Variants in CRISPLD1 observed in about 807,000 individuals in gnomAD.
The protein encoded by CRISPLD1 is cysteine rich secretory protein LCCL domain containing 1.
Under a neutral mutation model 77.5 loss-of-function variants are expected in CRISPLD1, and 60 were observed. The ratio of observed to expected loss-of-function variants is 0.77; its 90% CI spans 0.63 to 0.96. CRISPLD1 has a LOEUF of 0.96. CRISPLD1 is among the 40% of genes least tolerant of loss of function. The pLI is 0.00. For missense variants in CRISPLD1, 623 were observed against 615.8 expected (o/e 1.01, Z -0.12); for synonymous variants, 195 against 200.1 (o/e 0.97, Z 0.22).
intron 2 of CRISPLD1, among the ~76,000 whole-genome samples, chr8:74,994,927 T>C (rs1338296241): frequency 6.6e-6 from 1 of 152,096 alleles, no homozygotes; most frequent in African/African-American, 2.4e-5. Flanking sequence ...TAGAGAAAGA[T>C]GGGGCGCAGT....
chr8:75,003,331 G>C (rs1812777592), intron 2 of CRISPLD1, among the ~76,000 whole-genome samples: 1 of 151,964 alleles, frequency 6.6e-6, no homozygotes, highest in South Asian at 2.1e-4. Context: ...TTCTTCTTTT[G>C]TCCAAGAAGT....
chr8:74,992,654 G>C (rs934486092), intron 2 of CRISPLD1, among the ~76,000 whole-genome samples: 1 of 152,148 alleles, frequency 6.6e-6, no homozygotes, highest in Non-Finnish European at 1.5e-5. Context: ...CTACTGGGGG[G>C]TTGATTGCTA....
chr8:74,989,140 G>C (rs1410236063), intron 2 of CRISPLD1, among the ~76,000 whole-genome samples: 1 of 152,156 alleles, frequency 6.6e-6, no homozygotes, highest in Admixed American at 6.5e-5. Flanking sequence ...ATGCAGGGTG[G>C]CAGGAATTGG....
intron 12 of CRISPLD1, among the ~76,000 whole-genome samples, chr8:75,024,128 A>G (rs1813191597): frequency 6.6e-6 from 1 of 152,166 alleles, no homozygotes; most frequent in Non-Finnish European, 1.5e-5. Context: ...TTGAGGAATA[A>G]CCATTAGGCC....
chr8:75,002,629 G>A (rs11775366), intron 2 of CRISPLD1, among the ~76,000 whole-genome samples: 9,475 of 151,866 alleles, frequency 0.062, 342 homozygotes, highest in South Asian at 0.083. Context: ...CTGGAAGCAG[G>A]GTTGTGTGAG....
intron 2 of CRISPLD1, among the ~76,000 whole-genome samples, chr8:74,995,036 G>A (rs1776792137): frequency 6.6e-6 from 1 of 152,130 alleles, no homozygotes; most frequent in African/African-American, 2.4e-5. Flanking sequence ...GGCCAATCTT[G>A]AACATGAAAT....
chr8:75,025,043 A>G (rs1429145446), intron 12 of CRISPLD1, among the ~76,000 whole-genome samples: 1 of 152,220 alleles, frequency 6.6e-6, no homozygotes, highest in African/African-American at 2.4e-5. Context: ...AATAAGCAGT[A>G]GGATATTCAA....
rs184473337 is a variant in CRISPLD1, at chr8:75,033,065, G to A, written c.*823G>A. 1.1e-3 allele frequency: 173 copies of A among 152,324 alleles called. 1 individual carries two copies. The highest frequency in any genetic ancestry group is 3.4e-3 in the Middle Eastern group (1 of 294). 9.4% of individuals were successfully genotyped at this position (152,324 alleles called of 1,614,324 possible). A position where few individuals can be genotyped will look rare whatever the true frequency, so the allele number is the denominator to read the frequency against. On this transcript the variant is annotated 3_prime_UTR_variant, in exon 15 of 15. Coordinates refer to ENST00000262207, the MANE Select transcript of CRISPLD1 (RefSeq NM_031461.6). ...AAAAGTTGAACAAAGATGAACTAAT[G>A]TATTACATTACCATTGCCACTGATT...
intron 4 of CRISPLD1, 79 bp from the exon 5 acceptor site, chr8:75,013,908 T>G (rs1812980180): frequency 2.2e-6 from 2 of 900,852 alleles, no homozygotes; most frequent in African/African-American, 1.7e-5. Flanking sequence ...CATTCAAATT[T>G]TATGCATTTT....
intron 14 of CRISPLD1, 43 bp downstream of exon 14, chr8:75,029,560 A>C (rs1029256422): frequency 6.3e-7 from 1 of 1,576,210 alleles, no homozygotes; most frequent in Non-Finnish European, 8.7e-7. Flanking sequence ...AATACCATCT[A>C]TCACTGTATT....
Position 75,014,905 on chromosome 8 carries a change from C to T in CRISPLD1, c.720C>T (p.Cys240=). The T allele has an allele frequency of 1.9e-6, 3 of 1,567,346 alleles. No individual in the cohort carries two copies. The highest frequency in any genetic ancestry group is 2.4e-5 in the South Asian group (2 of 84,392). ...SFGGGCRENL[C]YKEGSDRYYP... ...GAGGGGGCTGTAGAGAAAATCTGTG[C>T]TACAAAGGTAAGTGCTATTGTGTTG... is the stretch of plus-strand genomic sequence containing the variant. Residue 240 remains cysteine (C), a synonymous_variant, in exon 6 of 15, where the codon TGC becomes TGT. Coordinates refer to ENST00000262207, the MANE Select transcript of CRISPLD1 (RefSeq NM_031461.6).
chr8:75,016,767 T>C, intron 7 of CRISPLD1, 62 bp downstream of exon 7: 2 of 1,557,372 alleles, frequency 1.3e-6, no homozygotes, highest in Non-Finnish European at 8.7e-7. Flanking sequence ...TCCATCAAGA[T>C]TTTATTAATT....
intron 3 of CRISPLD1, 114 bp downstream of exon 3, chr8:75,012,665 C>A: frequency 1.2e-6 from 1 of 845,128 alleles, no homozygotes; most frequent in Non-Finnish European, 1.9e-6. Flanking sequence ...AAAGTAATCA[C>A]GAAACAAGTA....
chr8:75,023,332 G>A (rs533034533), intron 12 of CRISPLD1, among the ~76,000 whole-genome samples: 71 of 152,274 alleles, frequency 4.7e-4, no homozygotes, highest in African/African-American at 1.6e-3. Context: ...TAAGGATGAC[G>A]GTGAATGCCT....
Position 75,029,394 on chromosome 8 carries a change from G to C in CRISPLD1, c.1328G>C (p.Ser443Thr), listed in dbSNP as rs776037094. The C allele has an allele frequency of 6.2e-7, 1 of 1,612,660 alleles. No individual in the cohort carries two copies. Among genetic ancestry groups the C allele is most frequent in the South Asian group, 1.1e-5 (1 of 90,864 alleles). The change falls in exon 14 of 15, where the codon AGT becomes ACT. Residue 443 changes from serine to threonine, a missense_variant. Transcript: ENST00000262207. ...IGTRVYSDLS[S>T]ICRAAVHAGV... Reference sequence around the variant, plus strand: ...GTTTCTTTACCTTCTCAGCTGTCCAGTATCTGCAGAGCAGCAGTACATGCT... The same window carrying C: ...GTTTCTTTACCTTCTCAGCTGTCCACTATCTGCAGAGCAGCAGTACATGCT...
intron 2 of CRISPLD1, 75 bp downstream of exon 2, chr8:74,986,320 T>C: frequency 7.4e-7 from 1 of 1,356,250 alleles, no homozygotes; most frequent in South Asian, 1.3e-5. Flanking sequence ...TTCATGCTGT[T>C]CTTTAATCAT....
At chr8:75,007,917 G>C (rs1812862997) in intron 2 of CRISPLD1, among the ~76,000 whole-genome samples, 1 of 151,964 alleles carries the variant, frequency 6.6e-6, no homozygotes, top group East Asian at 1.9e-4. Flanking sequence ...GGCCTCAAGT[G>C]ATCCTACCAC....
At chr8:75,013,421 G>A (rs1812970611) in intron 4 of CRISPLD1, among the ~76,000 whole-genome samples, 5 of 152,104 alleles carry the variant, frequency 3.3e-5, no homozygotes, top group Admixed American at 3.3e-4. Flanking sequence ...CAATTGGTAT[G>A]TTCTAAACTT....
At chr8:75,027,336 A>G (rs1813251687) in intron 13 of CRISPLD1, among the ~76,000 whole-genome samples, 1 of 152,224 alleles carries the variant, frequency 6.6e-6, no homozygotes, top group African/African-American at 2.4e-5. Context: ...CAAGTAGATT[A>G]ATAAATATAT....
Sources: allele counts gnomAD v4.1 joint callset (sites outside exome capture counted in the v4.1 genomes callset), GRCh38; gene constraint gnomAD v4.1.1; transcripts MANE v1.5; gene names NCBI Gene and HGNC (gene_info 2026-07-23, HGNC 2026-07-21).